SDK1: variants seen among roughly 807,000 people sequenced by gnomAD.
SDK1 encodes sidekick cell adhesion molecule 1.
Under a neutral mutation model 245.5 loss-of-function variants are expected in SDK1, and 157 were observed. That is an observed-to-expected ratio of 0.64 (90% CI 0.56 to 0.73). SDK1 has a LOEUF of 0.73. Among genes scored for constraint, SDK1 ranks in the 30% least tolerant of loss-of-function variants. The pLI, the probability that SDK1 is intolerant of heterozygous loss-of-function variation, is 0.00. For missense variants in SDK1, 3,583 were observed against 3,002.3 expected, an observed-to-expected ratio of 1.19 and a Z score of -4.52; for synonymous variants, 1,647 against 1,278.5, an observed-to-expected ratio of 1.29 and a Z score of -6.15.
In SDK1 at chr7:3,847,964, A is replaced by C. The variant is rs181363362; in HGVS notation, c.847+26381A>C. 6.5e-4 allele frequency among the ~76,000 whole-genome samples: 96 copies of C among 148,074 alleles called. 1 individual carries two copies. Among genetic ancestry groups the C allele is most frequent in the African/African-American group, 2.3e-3 (87 of 37,530 alleles). On this transcript the variant is annotated intron_variant, in intron 5 of 44. Transcript: ENST00000404826. ...GTTCTTTTATGCTTGAAAAACAGTT[A>C]TTAATCATACTATCGTACTTTCCTG...
At position 3,897,704 on chromosome 7, in the gene SDK1, A is replaced by G. The variant is rs73674334; in HGVS notation, c.848-53219A>G. 5.6e-3 allele frequency among the ~76,000 whole-genome samples: 851 copies of G among 152,114 alleles called. 7 individuals carry two copies. The highest frequency in any genetic ancestry group is 0.019 in the African/African-American group (791 of 41,438). ...ACTTTGTTAAAATTATTTAAATGCA[A>G]TGATAGTCATCTCACCATGTAGTTC... On this transcript the variant is annotated intron_variant, in intron 5 of 44. Coordinates refer to ENST00000404826, the MANE Select transcript of SDK1 (RefSeq NM_152744.4).
chr7:4,149,327 C>T lies in SDK1; in HGVS notation c.4489C>T (p.Leu1497Phe). Reference protein sequence around the residue: ...QAEVTARSLRLQWVPGSDGAS... With the variant: ...QAEVTARSLRFQWVPGSDGAS... ...AGAAGTGACCGCACGCAGCCTCCGGCTCCAGTGGGTCCCGGGCAGCGACGG... is the reference window on the plus strand; with the variant it reads ...AGAAGTGACCGCACGCAGCCTCCGGTTCCAGTGGGTCCCGGGCAGCGACGG... Residue 1497 changes from leucine (L) to phenylalanine (F), a missense_variant, in exon 30 of 45, where the codon CTC (leucine) becomes TTC (phenylalanine). By Grantham distance (22) the Leu-to-Phe change is conservative (BLOSUM62 0). Transcript: ENST00000404826. 6.3e-7 allele frequency: 1 copy of T among 1,592,172 alleles called. No individual in the cohort carries two copies. The highest frequency in any genetic ancestry group is 1.1e-5 in the South Asian group (1 of 87,952).
At chr7:3,367,840 A>G in intron 1 of SDK1, among the ~76,000 whole-genome samples, 1 of 152,368 alleles carries the variant, frequency 6.6e-6, no homozygotes, top group East Asian at 1.9e-4. Context: ...TTATGTTTTC[A>G]TATAAGCTAT....
intron 1 of SDK1, among the ~76,000 whole-genome samples, chr7:3,486,239 T>A (rs1781690225): frequency 6.6e-6 from 1 of 151,198 alleles, no homozygotes; most frequent in South Asian, 2.1e-4. Context: ...GGAGTTAAAT[T>A]TTAAATCTTT....
chr7:3,462,346 G>A (rs1204717332), intron 1 of SDK1, among the ~76,000 whole-genome samples: 2 of 152,146 alleles, frequency 1.3e-5, no homozygotes, highest in Admixed American at 1.3e-4. Context: ...CTGCCCCGCC[G>A]AGGTTGAGTA....
intron 5 of SDK1, among the ~76,000 whole-genome samples, chr7:3,869,153 C>CTTTTTTT (rs751723918): frequency 6.8e-5 from 8 of 117,128 alleles, no homozygotes; most frequent in Non-Finnish European, 8.8e-5. Context: ...TTTTTCATTT[C>CTTTTTTT]TTTTTTTTTT....
chr7:3,466,769 C>T (rs1050349230), intron 1 of SDK1, among the ~76,000 whole-genome samples: 3 of 151,718 alleles, frequency 2.0e-5, no homozygotes, highest in East Asian at 3.9e-4. Context: ...TATCTCCCCC[C>T]ACCCCTTCTC....
At chr7:3,539,334 CTAGA>C (rs1282853730) in intron 1 of SDK1, among the ~76,000 whole-genome samples, 2 of 152,106 alleles carry the variant, frequency 1.3e-5, no homozygotes, top group African/African-American at 2.4e-5. Context: ...TCCTTCACAA[CTAGA>C]TAGATAGGTA....
At chr7:3,635,002 T>C (rs1782410311) in intron 2 of SDK1, among the ~76,000 whole-genome samples, 1 of 152,250 alleles carries the variant, frequency 6.6e-6, no homozygotes, top group Admixed American at 6.5e-5. Context: ...ATGTTTCAAA[T>C]ACATACTGCA....
At chr7:4,032,178 A>G (rs1299395769) in intron 17 of SDK1, among the ~76,000 whole-genome samples, 2 of 152,210 alleles carry the variant, frequency 1.3e-5, no homozygotes, top group Non-Finnish European at 2.9e-5. Context: ...GTTGATGGGA[A>G]AAGCTAAAAT....
intron 22 of SDK1, among the ~76,000 whole-genome samples, chr7:4,105,366 G>T (rs562441248): frequency 2.5e-4 from 38 of 151,482 alleles, no homozygotes; most frequent in Non-Finnish European, 4.9e-4. Flanking sequence ...GAGTGCAGTG[G>T]CATGATCTCA....
chr7:3,573,224 G>C (rs1456195082), intron 1 of SDK1, among the ~76,000 whole-genome samples: 3 of 152,130 alleles, frequency 2.0e-5, no homozygotes, highest in African/African-American at 7.2e-5. Flanking sequence ...TGGGAGGGTG[G>C]AGGAAGAGTG....
intron 36 of SDK1, 54 bp downstream of exon 36, chr7:4,206,048 C>T (rs1482045205): frequency 8.4e-7 from 1 of 1,191,192 alleles, no homozygotes; most frequent in Non-Finnish European, 1.2e-6. Flanking sequence ...ACCCCTCGTT[C>T]ACGTGGTCCT....
intron 23 of SDK1, 22 bp from the exon 24 acceptor site, chr7:4,113,267 T>C (rs765348326): frequency 4.4e-6 from 7 of 1,607,588 alleles, no homozygotes; most frequent in Non-Finnish European, 5.9e-6. Flanking sequence ...GCCGTGACTC[T>C]CATCAGTGGT....
At chr7:3,368,875 A>G (rs1195581769) in intron 1 of SDK1, among the ~76,000 whole-genome samples, 1 of 152,100 alleles carries the variant, frequency 6.6e-6, no homozygotes, top group East Asian at 1.9e-4. Flanking sequence ...TAATATAAAC[A>G]TTGCTTCCTG....
intron 13 of SDK1, among the ~76,000 whole-genome samples, chr7:3,985,379 A>T (rs1423997072): frequency 6.6e-6 from 1 of 152,218 alleles, no homozygotes; most frequent in Admixed American, 6.5e-5. Context: ...GTTTCAGACC[A>T]CACCGATTCA....
chr7:3,625,382 A>G (rs1034890218), intron 2 of SDK1, among the ~76,000 whole-genome samples: 5 of 152,218 alleles, frequency 3.3e-5, no homozygotes, highest in South Asian at 2.1e-4. Context: ...CTGGGACAAT[A>G]TTTGCAACAA....
intron 4 of SDK1, among the ~76,000 whole-genome samples, chr7:3,817,667 C>T (rs763934559): frequency 2.0e-5 from 3 of 152,160 alleles, no homozygotes; most frequent in Non-Finnish European, 4.4e-5. Context: ...GCTTCCCAGT[C>T]GATGCCTAGC....
At chr7:4,064,645 G>T (rs1049729563) in intron 19 of SDK1, among the ~76,000 whole-genome samples, 1 of 152,164 alleles carries the variant, frequency 6.6e-6, no homozygotes, top group Non-Finnish European at 1.5e-5. Flanking sequence ...CAGTAGCCAA[G>T]ATACGGAATC....
Sources: allele counts gnomAD v4.1 joint callset (sites outside exome capture counted in the v4.1 genomes callset), GRCh38; gene constraint gnomAD v4.1.1; transcripts MANE v1.5; gene names NCBI Gene and HGNC (gene_info 2026-07-23, HGNC 2026-07-21).